The following CEP78 variants were observed in gnomAD, a reference collection of about 807,000 sequenced individuals.
CEP78 encodes centrosomal protein 78.
Under a neutral mutation model 81.2 loss-of-function variants are expected in CEP78, and 76 were observed. The observed-to-expected ratio is 0.94, with a 90% CI of 0.78 to 1.13. The LOEUF is 1.13. Among genes scored for constraint, CEP78 ranks in the 50% most tolerant of loss-of-function variants. The pLI, the probability that CEP78 is intolerant of heterozygous loss-of-function variation, is 0.00. For missense variants in CEP78, 918 were observed against 846.8 expected (o/e 1.08, Z -1.04); for synonymous variants, 293 against 301.4 (o/e 0.97, Z 0.29).
chr9:78,263,248 A>T (rs190371993), intron 12 of CEP78, among the ~76,000 whole-genome samples: 1 of 152,184 alleles, frequency 6.6e-6, no homozygotes, highest in African/African-American at 2.4e-5. Context: ...TTTTCTGTTC[A>T]TGATGCATCA....
At chr9:78,255,746 G>T (rs1317639074) in intron 11 of CEP78, among the ~76,000 whole-genome samples, 1 of 152,138 alleles carries the variant, frequency 6.6e-6, no homozygotes, top group African/African-American at 2.4e-5. Context: ...ATGTAGAATT[G>T]TCCCTATTAT....
At position 78,271,913 on chromosome 9, in the gene CEP78, C is replaced by A. The variant is rs72743776; in HGVS notation, c.*1062C>A. ...CTTTCTTTTCTTTTTTTCTTTTTTT[C>A]TTTTTTTTTTGAGACGGAGTCTCGC... On this transcript the variant is annotated 3_prime_UTR_variant, in exon 17 of 17. Coordinates refer to ENST00000643273, the MANE Select transcript of CEP78 (RefSeq NM_001330691.3). The A allele has an allele frequency of 0.14, 20,551 of 147,834 alleles. 1,836 individuals are homozygous for A. Among genetic ancestry groups the A allele is most frequent in the Admixed American group, 0.26 (3,906 of 14,910 alleles). 9.2% of individuals were successfully genotyped at this position (147,834 alleles called of 1,614,324 possible).
In CEP78 at chr9:78,236,245, A is replaced by G. The variant is rs1172227719; in HGVS notation, c.-106A>G. On this transcript the variant is annotated 5_prime_UTR_variant, in exon 1 of 17. Transcript: ENST00000643273. ...CTGAGCCCGGTGCGGGGCTGCCGCT[A>G]TCGCCTGGCCGTGGGTGCCGGAGCG... The G allele has an allele frequency of 1.0e-6, 1 of 989,352 alleles. No homozygotes were observed. Among genetic ancestry groups the G allele is most frequent in the Non-Finnish European group, 1.5e-6 (1 of 688,330 alleles). 61.3% of individuals were successfully genotyped at this position (989,352 alleles called of 1,614,324 possible).
At chr9:78,238,085 G>A (rs540987531) in intron 1 of CEP78, among the ~76,000 whole-genome samples, 15 of 150,214 alleles carry the variant, frequency 1.0e-4, no homozygotes, top group Non-Finnish European at 2.1e-4. Flanking sequence ...AGATTGCACC[G>A]TTGCACTCCA....
At chr9:78,239,096 A>C (rs1826096150) in intron 1 of CEP78, among the ~76,000 whole-genome samples, 1 of 151,774 alleles carries the variant, frequency 6.6e-6, no homozygotes, top group Non-Finnish European at 1.5e-5. Flanking sequence ...AATATTTTGC[A>C]CTGAATGTAA....
At chr9:78,251,863 C>G in intron 8 of CEP78, 45 bp from the exon 9 acceptor site, 3 of 1,565,888 alleles carry the variant, frequency 1.9e-6, no homozygotes, top group Non-Finnish European at 2.6e-6. Flanking sequence ...CATCTGTAGA[C>G]CTTTAGTGCA....
intron 11 of CEP78, among the ~76,000 whole-genome samples, chr9:78,259,613 TCATATTTTGTA>T (rs1310125402): frequency 1.3e-5 from 2 of 152,192 alleles, no homozygotes; most frequent in South Asian, 4.1e-4. Flanking sequence ...TTTGCGTTGA[TCATATTTTGTA>T]CACCAGGCAC....
rs560561221 is a variant in CEP78 at position 78,238,506 on chromosome 9, G to C, written c.254-1517G>C. 9.9e-5 allele frequency among the ~76,000 whole-genome samples: 15 copies of C among 152,262 alleles called. 2 individuals carry two copies. The South Asian group carries it at 3.1e-3, about 32-fold the overall frequency. On this transcript the variant is annotated intron_variant, in intron 1 of 16. Transcript: ENST00000643273. ...GTGTTTTTTAAGTGGATATGGACGT[G>C]AACATGTTTATAAGCTGAGAGAAAG...
intron 16 of CEP78, among the ~76,000 whole-genome samples, chr9:78,268,891 C>T (rs1184768926): frequency 3.3e-5 from 5 of 151,992 alleles, no homozygotes; most frequent in Non-Finnish European, 1.5e-5. Flanking sequence ...CTCCTGACCT[C>T]GTGATCCACC....
In CEP78 at chr9:78,277,857, C is replaced by T. The variant is rs1241630162; in HGVS notation, c.*7006C>T. 6.6e-6 allele frequency: 1 copy of T among 152,138 alleles called. No individual in the cohort carries two copies. Among genetic ancestry groups the T allele is most frequent in the Non-Finnish European group, 1.5e-5 (1 of 68,014 alleles). The allele number at this position is 152,138 out of a possible 1,614,324, so 9.4% of individuals were successfully genotyped here. ...GCAGAAATTGTTGAATTAGTACATA[C>T]CAATTTCTGACATATAACACTCTGC... On this transcript the variant is annotated 3_prime_UTR_variant, in exon 17 of 17. Transcript: ENST00000643273.
chr9:78,245,630 CT>C (rs1826441661), intron 5 of CEP78, among the ~76,000 whole-genome samples: 2 of 152,082 alleles, frequency 1.3e-5, no homozygotes, highest in Admixed American at 1.3e-4. Flanking sequence ...CTGATGTAAT[CT>C]TTTTTTATGC....
chr9:78,256,673 T>C (rs966032783), intron 11 of CEP78, among the ~76,000 whole-genome samples: 18 of 151,748 alleles, frequency 1.2e-4, no homozygotes, highest in African/African-American at 4.1e-4. Flanking sequence ...GCCTTATTCT[T>C]AAATAGAAAA....
At chr9:78,244,567 T>C (rs1357624981) in intron 5 of CEP78, among the ~76,000 whole-genome samples, 1 of 152,240 alleles carries the variant, frequency 6.6e-6, no homozygotes, top group Non-Finnish European at 1.5e-5. Flanking sequence ...CTGGATTGTG[T>C]CTATTTTAAA....
At chr9:78,266,293 T>C in intron 15 of CEP78, 149 bp from the exon 16 acceptor site, 1 of 609,376 alleles carries the variant, frequency 1.6e-6, no homozygotes, top group South Asian at 2.2e-5. Flanking sequence ...ATAGCTAAGT[T>C]AAGTTGGCAA....
Position 78,262,969 on chromosome 9 carries a change from T to TA in CEP78, c.1446dup (p.Arg483ThrfsTer4). On this transcript the variant is annotated frameshift_variant, in exon 12 of 17. Transcript: ENST00000643273. LOFTEE classifies it high-confidence loss of function. ...AAAGAGTGATAAGGCTTAAGGTTGA[T>TA]AAACGAGTCAGTGAGGTAAATAAAA... 2 of 1,541,828 alleles carry TA rather than the reference T, an allele frequency of 1.3e-6. No individual in the cohort carries two copies. Among genetic ancestry groups the TA allele is most frequent in the Non-Finnish European group, 1.8e-6 (2 of 1,142,220 alleles).
chr9:78,261,929 C>T (rs2118433749), intron 11 of CEP78, among the ~76,000 whole-genome samples: 1 of 152,118 alleles, frequency 6.6e-6, no homozygotes, highest in South Asian at 2.1e-4. Flanking sequence ...AATATATGCC[C>T]TTTGAGAAAA....
In CEP78 at chr9:78,240,027, T is replaced by C; in HGVS notation, c.258T>C (p.Ser86=). 6.4e-7 allele frequency: 1 copy of C among 1,570,108 alleles called. No individual in the cohort carries two copies. The highest frequency in any genetic ancestry group is 8.6e-7 in the Non-Finnish European group (1 of 1,166,298). The change falls in exon 2 of 17, where the codon TCT becomes TCC. Residue 86 remains serine, a synonymous_variant. Coordinates refer to ENST00000643273, the MANE Select transcript of CEP78 (RefSeq NM_001330691.3). ...FFQPWLGDTG[S]DMNKFCRSRV... ...TTTCTTTTATCTTTGTTTTAGGTTC[T>C]GACATGAATAAATTTTGCAGAAGTC...
chr9:78,253,346 C>G (rs1013050406), intron 10 of CEP78, 69 bp downstream of exon 10: 1 of 783,758 alleles, frequency 1.3e-6, no homozygotes. Flanking sequence ...ATTCTCTGTG[C>G]TCTTTAAATT....
chr9:78,240,118 A>G lies in CEP78; in HGVS notation c.349A>G (p.Ser117Gly). The change falls in exon 2 of 17, where the codon AGT becomes GGT. Residue 117 changes from serine (S) to glycine (G), a missense_variant. By Grantham distance (56) the Ser-to-Gly change is moderately conservative. Transcript: ENST00000643273. ...GTGTAAAGCTCTTAAAGGCTGTTTA[A>G]GTATATCAAGTGTGCTAAAGAACCT... ...QLCKALKGCLSISSVLKNLEL... is the reference protein window; with the variant it reads ...QLCKALKGCLGISSVLKNLEL... 1.9e-6 allele frequency: 3 copies of G among 1,586,918 alleles called. No homozygotes were observed. The highest frequency in any genetic ancestry group is 1.7e-6 in the Non-Finnish European group (2 of 1,173,506).
Sources: allele counts gnomAD v4.1 joint callset (sites outside exome capture counted in the v4.1 genomes callset), GRCh38; gene constraint gnomAD v4.1.1; transcripts MANE v1.5; gene names NCBI Gene and HGNC (gene_info 2026-07-23, HGNC 2026-07-21).